TPST1: variants seen among roughly 807,000 people sequenced by gnomAD.
TPST1 encodes protein-tyrosine sulfotransferase 1.
A neutral mutation model predicts 34.8 loss-of-function variants in TPST1; 20 were observed. That is an observed-to-expected ratio of 0.57 (90% CI 0.40 to 0.84). TPST1 has a LOEUF of 0.84. Ranked by LOEUF, TPST1 falls within the 40% of genes least tolerant of loss-of-function variation. The pLI is 0.00. For missense variants in TPST1, 353 were observed against 455.5 expected (o/e 0.78, Z 2.05); for synonymous variants, 152 against 159.4 (o/e 0.95, Z 0.35).
chr7:66,294,006 T>C (rs1477589459), intron 3 of TPST1, among the ~76,000 whole-genome samples: 1 of 152,198 alleles, frequency 6.6e-6, no homozygotes, highest in Non-Finnish European at 1.5e-5. Flanking sequence ...TATACATTCT[T>C]TTCTTTATTG....
intron 3 of TPST1, among the ~76,000 whole-genome samples, chr7:66,320,245 C>CTTTTTTTTT (rs569746911): frequency 4.0e-5 from 5 of 126,388 alleles, no homozygotes; most frequent in Non-Finnish European, 6.7e-5. Context: ...TTTTCTTTTT[C>CTTTTTTTTT]TTTTTTTTTT....
intron 3 of TPST1, among the ~76,000 whole-genome samples, chr7:66,305,989 G>C (rs556827757): frequency 6.6e-6 from 1 of 152,256 alleles, no homozygotes; most frequent in African/African-American, 2.4e-5. Context: ...TTCCGCCTCT[G>C]TCCACACCTG....
chr7:66,211,667 T>C (rs1463324991), intron 1 of TPST1, among the ~76,000 whole-genome samples: 1 of 152,184 alleles, frequency 6.6e-6, no homozygotes, highest in Non-Finnish European at 1.5e-5. Flanking sequence ...GTCATTCTTG[T>C]TTTAAAAACA....
At chr7:66,356,212 A>C (rs1460491661) in intron 4 of TPST1, among the ~76,000 whole-genome samples, 1 of 152,226 alleles carries the variant, frequency 6.6e-6, no homozygotes, top group Non-Finnish European at 1.5e-5. Context: ...GTAGTACTTA[A>C]CAATGACAGT....
At chr7:66,328,238 G>A (rs553924700) in intron 3 of TPST1, among the ~76,000 whole-genome samples, 1 of 151,880 alleles carries the variant, frequency 6.6e-6, no homozygotes, top group African/African-American at 2.4e-5. Context: ...TGTTGCCCAG[G>A]CTGGTCTCAA....
Position 66,278,559 on chromosome 7 carries a change from C to A in TPST1, c.846-7952C>A, listed in dbSNP as rs909587088. The stretch of plus-strand genomic sequence containing the variant: ...CAGCACTTTGGGAGGTCGAGGTGGG[C>A]GGATCACGAGGTCAGGAGATTGAGA... On this transcript the variant is annotated intron_variant, in intron 2 of 5. Transcript: ENST00000304842. 3.9e-5 allele frequency among the ~76,000 whole-genome samples: 6 copies of A among 152,010 alleles called. No homozygotes were observed. The South Asian group carries it at 6.3e-4, about 16-fold the overall frequency.
At chr7:66,329,065 C>T (rs973458153) in intron 3 of TPST1, among the ~76,000 whole-genome samples, 5 of 150,876 alleles carry the variant, frequency 3.3e-5, no homozygotes, top group African/African-American at 7.3e-5. Flanking sequence ...GTGCGCACAA[C>T]CACGCCCAGC....
upstream of TPST1, among the ~76,000 whole-genome samples, chr7:66,201,502 C>T (rs1360709799): frequency 2.6e-5 from 4 of 151,878 alleles, no homozygotes; most frequent in Non-Finnish European, 5.9e-5. Context: ...ACCAGCCTGG[C>T]CAACATGGTG....
rs118095413 is a variant in TPST1, at chr7:66,312,588, A to T, written c.1044+25879A>T. Among the ~76,000 whole-genome samples the T allele has an allele frequency of 2.9e-3, 444 of 152,294 alleles. 17 individuals carry two copies. In the East Asian group the frequency reaches 0.076, roughly 26 times the overall value. ...AAATCTATTAAAATATCGTTAATTT[A>T]AAAAATCCCTTTAAAATGAAGATAT... On this transcript the variant is annotated intron_variant, in intron 3 of 5. Coordinates refer to ENST00000304842, the MANE Select transcript of TPST1 (RefSeq NM_003596.4).
intron 3 of TPST1, among the ~76,000 whole-genome samples, chr7:66,312,744 T>A (rs910563746): frequency 3.3e-5 from 5 of 152,010 alleles, no homozygotes; most frequent in Non-Finnish European, 5.9e-5. Context: ...ATCAAATTAA[T>A]GATAGGGAGA....
intron 3 of TPST1, among the ~76,000 whole-genome samples, chr7:66,347,058 T>TG (rs1792367477): frequency 1.6e-5 from 2 of 122,492 alleles, no homozygotes; most frequent in Non-Finnish European, 3.3e-5. Flanking sequence ...CCTTTGCTTT[T>TG]CTTTTTTTTT....
chr7:66,304,930 G>A (rs566265603), intron 3 of TPST1, among the ~76,000 whole-genome samples: 41 of 151,786 alleles, frequency 2.7e-4, no homozygotes, highest in Non-Finnish European at 5.0e-4. Flanking sequence ...CGATCCGCCT[G>A]CCTTAGCTTC....
intron 2 of TPST1, among the ~76,000 whole-genome samples, chr7:66,285,716 T>A (rs1483416429): frequency 1.3e-5 from 2 of 152,236 alleles, no homozygotes; most frequent in Non-Finnish European, 2.9e-5. Flanking sequence ...CTAATTCAGA[T>A]CCAGCTTAAA....
At chr7:66,223,108 G>A (rs1789577687) in intron 1 of TPST1, among the ~76,000 whole-genome samples, 1 of 151,964 alleles carries the variant, frequency 6.6e-6, no homozygotes, top group Non-Finnish European at 1.5e-5. Flanking sequence ...TTAATTCAAT[G>A]CCATCTTCTC....
At chr7:66,214,969 TTATAAG>T (rs1221987719) in intron 1 of TPST1, among the ~76,000 whole-genome samples, 1 of 19,454 alleles carries the variant, frequency 5.1e-5, no homozygotes, top group African/African-American at 3.8e-4. Flanking sequence ...ACTAAATAAT[TTATAAG>T]ATATATGCAT....
At chr7:66,207,584 C>T (rs1022813860) in intron 1 of TPST1, among the ~76,000 whole-genome samples, 5 of 152,126 alleles carry the variant, frequency 3.3e-5, no homozygotes, top group Admixed American at 2.6e-4. Flanking sequence ...CTCAGATTAA[C>T]GTGGCATTCC....
intron 3 of TPST1, among the ~76,000 whole-genome samples, chr7:66,294,965 G>A (rs560749406): frequency 5.3e-5 from 8 of 152,220 alleles, no homozygotes; most frequent in Non-Finnish European, 1.0e-4. Flanking sequence ...CTGAAGCACA[G>A]TAGTAAATGA....
chr7:66,326,666 G>C (rs1341834932), intron 3 of TPST1, among the ~76,000 whole-genome samples: 1 of 152,106 alleles, frequency 6.6e-6, no homozygotes, highest in African/African-American at 2.4e-5. Flanking sequence ...AGAGTAAGAG[G>C]TTCCTATTTC....
At position 66,352,508 on chromosome 7, in the gene TPST1, T is replaced by A. The variant is rs909329751; in HGVS notation, c.1048T>A (p.Tyr350Asn). The A allele has an allele frequency of 4.3e-6, 7 of 1,612,634 alleles. No homozygotes were observed. Among genetic ancestry groups the A allele is most frequent in the Admixed American group, 3.4e-5 (2 of 59,388 alleles). The change falls in exon 4 of 6, where the codon TAT (tyrosine) becomes AAT (asparagine). Residue 350 changes from tyrosine to asparagine, a missense_variant. Tyr to Asn is a moderately radical substitution (Grantham distance 143). Transcript: ENST00000304842. ...PKIIENTRRV[Y>N]KGEFQLPDFL... ...CACGCCTGCTTTGTTTTTCCAGGTC[T>A]ATAAGGGAGAATTCCAACTACCTGA...
Sources: gnomAD v4.1 joint callset for allele counts (sites outside exome capture counted in the v4.1 genomes callset) on GRCh38, gnomAD v4.1.1 for gene constraint, MANE v1.5 for transcripts, NCBI Gene and HGNC (gene_info 2026-07-23, HGNC 2026-07-21) for gene names.